The following NBEAL1 variants were observed in gnomAD, a reference collection of about 807,000 sequenced individuals.
NBEAL1 encodes neurobeachin like 1.
In NBEAL1, 273 loss-of-function variants were observed where a neutral mutation model predicts 351.3. The observed-to-expected ratio is 0.78, with a 90% CI of 0.70 to 0.86. The LOEUF (loss-of-function observed/expected upper bound fraction) is 0.86. Among genes scored for constraint, NBEAL1 ranks in the 40% least tolerant of loss-of-function variants. The pLI, the probability that NBEAL1 is intolerant of heterozygous loss-of-function variation, is 0.00. For missense variants in NBEAL1, 2,961 were observed against 3,201.3 expected (o/e 0.92, Z 1.81); for synonymous variants, 1,050 against 1,086.4 (o/e 0.97, Z 0.66).
chr2:203,054,206 A>G (rs1159880500), intron 4 of NBEAL1, among the ~76,000 whole-genome samples: 1 of 152,098 alleles, frequency 6.6e-6, no homozygotes, highest in Non-Finnish European at 1.5e-5. Context: ...CGAGTGGATC[A>G]CTTGAGGTCA....
intron 29 of NBEAL1, among the ~76,000 whole-genome samples, chr2:203,137,487 T>G (rs1362212612): frequency 1.3e-5 from 2 of 152,178 alleles, no homozygotes; most frequent in East Asian, 3.8e-4. Flanking sequence ...AGACTCTCTG[T>G]AAGGCATAAT....
Position 203,099,638 on chromosome 2 carries a change from G to T in NBEAL1, c.1195G>T (p.Gly399Ter). The change falls in exon 12 of 56, where the codon GGA becomes TGA. Residue 399 changes from glycine to a stop codon, truncating the protein, a stop_gained. Coordinates refer to ENST00000683969, the MANE Select transcript of NBEAL1 (RefSeq NM_001378026.1). LOFTEE classifies it high-confidence loss of function. ...TEMNEDQVFQ[G>*]QLDCLAISTI... The stretch of plus-strand genomic sequence containing the variant: ...CCTTCCCCCTCAATAGGTGTTTCAG[G>T]GACAATTGGATTGTTTGGCCATATC... 6.5e-7 allele frequency: 1 copy of T among 1,546,292 alleles called. No individual in the cohort carries two copies. The highest frequency in any genetic ancestry group is 8.7e-7 in the Non-Finnish European group (1 of 1,144,804).
chr2:203,157,629 C>T (rs902339081), intron 35 of NBEAL1, 70 bp from the exon 36 acceptor site: 16 of 1,181,502 alleles, frequency 1.4e-5, no homozygotes, highest in Non-Finnish European at 1.8e-5. Flanking sequence ...AATTAGCAGT[C>T]AGAAATTACA....
Position 203,122,265 on chromosome 2 carries a change from T to A in NBEAL1, c.2604T>A (p.Asn868Lys). Residue 868 changes from asparagine to lysine, a missense_variant, in exon 19 of 56, where the codon AAT (asparagine) becomes AAA (lysine). Asn to Lys is a moderately conservative substitution (Grantham distance 94, BLOSUM62 0). Coordinates refer to ENST00000683969, the MANE Select transcript of NBEAL1 (RefSeq NM_001378026.1). The stretch of plus-strand genomic sequence containing the variant: ...TCTTTTATTCTTAGGCCTGCAAAAA[T>A]TCAATCTGTCTTGATTTATCTACTA... ...LLYYTAKACK[N>K]SICLDLSTNC... is the part of the protein sequence containing the mutation. The A allele has an allele frequency of 6.5e-7, 1 of 1,530,402 alleles. No homozygotes were observed. The highest frequency in any genetic ancestry group is 8.8e-7 in the Non-Finnish European group (1 of 1,140,174). The allele number at this position is 1,530,402 out of a possible 1,614,324, so 94.8% of individuals were successfully genotyped here.
chr2:203,118,926 T>C (rs559774304), intron 18 of NBEAL1, among the ~76,000 whole-genome samples: 2 of 152,068 alleles, frequency 1.3e-5, no homozygotes, highest in African/African-American at 4.8e-5. Context: ...TCGTATTCTT[T>C]TTACAAAGTA....
intron 10 of NBEAL1, among the ~76,000 whole-genome samples, chr2:203,086,797 A>G (rs1364469788): frequency 6.6e-6 from 1 of 152,132 alleles, no homozygotes; most frequent in African/African-American, 2.4e-5. Flanking sequence ...AGCCCCCAGA[A>G]ATGCTGGGAT....
In NBEAL1 at chr2:203,062,196, T is replaced by A. The variant is rs185570987; in HGVS notation, c.515+4743T>A. ...GACTATTTTGTTTACCTTCACACAG[T>A]CTCTCTACCATATGACTTACATTTC... On this transcript the variant is annotated intron_variant, in intron 6 of 55. Transcript: ENST00000683969. The surrounding 1 kb of genome is among the most constrained non-coding windows in gnomAD (Gnocchi z 4.2). 24 of 452,452 alleles carry A rather than the reference T, an allele frequency of 5.3e-5. No homozygotes were observed. 28.0% of individuals were successfully genotyped at this position (452,452 alleles called of 1,614,324 possible). A position where few individuals can be genotyped will look rare whatever the true frequency, so the allele number is the denominator to read the frequency against.
chr2:203,101,341 C>T (rs955793576), intron 12 of NBEAL1, among the ~76,000 whole-genome samples: 1 of 152,024 alleles, frequency 6.6e-6, no homozygotes, highest in Admixed American at 6.6e-5. Flanking sequence ...GCTTTCTTTT[C>T]TGTTCTACTG....
At chr2:203,051,307 G>T (rs964680282) in intron 4 of NBEAL1, among the ~76,000 whole-genome samples, 2 of 152,104 alleles carry the variant, frequency 1.3e-5, no homozygotes, top group African/African-American at 2.4e-5. Context: ...ACTTTGGAAG[G>T]CCGAGGAGGT....
chr2:203,198,269 T>C (rs2065294162), intron 48 of NBEAL1, among the ~76,000 whole-genome samples: 1 of 151,972 alleles, frequency 6.6e-6, no homozygotes, highest in South Asian at 2.1e-4. Flanking sequence ...CACCTGAGCC[T>C]CACAAAGTGC....
chr2:203,193,552 A>G (rs2065154719), intron 46 of NBEAL1, among the ~76,000 whole-genome samples: 1 of 152,086 alleles, frequency 6.6e-6, no homozygotes, highest in Non-Finnish European at 1.5e-5. Flanking sequence ...AGAGAATAAT[A>G]CATTCTGACT....
intron 33 of NBEAL1, among the ~76,000 whole-genome samples, chr2:203,148,512 A>G (rs1432919239): frequency 6.6e-6 from 1 of 152,126 alleles, no homozygotes; most frequent in African/African-American, 2.4e-5. Flanking sequence ...TGTGAGTTAG[A>G]TAAGCCAGTC....
rs2065699291 is a variant in NBEAL1, at chr2:203,209,162, A to G, written c.7625A>G (p.Asp2542Gly). The G allele has an allele frequency of 6.2e-7, 1 of 1,610,820 alleles. No homozygotes were observed. The highest frequency in any genetic ancestry group is 8.5e-7 in the Non-Finnish European group (1 of 1,177,592). ...ELDMAVSGSR[D>G]GTVIIHTIQK... ...TTTTCTGATATATCCTGTGTGTAGG[A>G]TGGAACGGTGATTATACATACCATT... is the stretch of plus-strand genomic sequence containing the variant. The change falls in exon 53 of 56, where the codon GAT becomes GGT. Residue 2542 changes from aspartate to glycine, a missense_variant and splice_region_variant. Asp to Gly is a moderately conservative substitution (Grantham distance 94). Transcript: ENST00000683969.
At chr2:203,078,940 CA>C (rs2061825612) in intron 8 of NBEAL1, among the ~76,000 whole-genome samples, 1 of 152,082 alleles carries the variant, frequency 6.6e-6, no homozygotes, top group Non-Finnish European at 1.5e-5. Flanking sequence ...AAAGCTATAA[CA>C]GCAAGTCTAG....
At position 203,190,289 on chromosome 2, in the gene NBEAL1, T is replaced by C. The variant is rs1373750214; in HGVS notation, c.6824-3T>C. ...ATAGTAAGTTGACTTCTTCTGGTTT[T>C]AGGAGCTGTGGATCTGGATGCCTTA... On this transcript the variant is annotated splice_region_variant and splice_polypyrimidine_tract_variant and intron_variant, in intron 45 of 55. Transcript: ENST00000683969. The C allele has an allele frequency of 1.9e-6, 3 of 1,601,882 alleles. No individual in the cohort carries two copies. The Admixed American group carries it at 5.3e-5, about 28-fold the overall frequency.
rs761968068 is a variant in NBEAL1, at chr2:203,208,674, A to T, written c.7544A>T (p.Gln2515Leu). The change falls in exon 52 of 56, where the codon CAG (glutamine) becomes CTG (leucine). Residue 2515 changes from glutamine (Q) to leucine (L), a missense_variant. Coordinates refer to ENST00000683969, the MANE Select transcript of NBEAL1 (RefSeq NM_001378026.1). ...GTGGGCTTAGCATCTAAACCTTTTC[A>T]GATTCTTTATGGACACACCAACGAG... ...VPVGLASKPF[Q>L]ILYGHTNEVL... 1.2e-6 allele frequency: 2 copies of T among 1,612,456 alleles called. No homozygotes were observed. The highest frequency in any genetic ancestry group is 4.5e-5 in the East Asian group (2 of 44,764).
rs577760493 is a variant in NBEAL1, at chr2:203,026,969, C to A, written c.51+10534C>A. Among the ~76,000 whole-genome samples, 4 of 152,318 alleles carry A rather than the reference C, an allele frequency of 2.6e-5. No individual in the cohort carries two copies. In the South Asian group the frequency reaches 8.3e-4, roughly 32 times the overall value. ...TAATGCCTTGTAGTGTTTTAATATA[C>A]GTTCAGCCTGGCTGTTGACAAAAAC... On this transcript the variant is annotated intron_variant, in intron 2 of 55. Transcript: ENST00000683969.
chr2:203,213,634 G>A lies in NBEAL1; in HGVS notation c.8051G>A (p.Gly2684Asp). 6.2e-7 allele frequency: 1 copy of A among 1,613,950 alleles called. No homozygotes were observed. Among genetic ancestry groups the A allele is most frequent in the Non-Finnish European group, 8.5e-7 (1 of 1,179,954 alleles). Residue 2684 changes from glycine to aspartate, a missense_variant, in exon 55 of 56, where the codon GGT becomes GAT. Gly to Asp is a moderately conservative substitution (Grantham distance 94, BLOSUM62 -1). Coordinates refer to ENST00000683969, the MANE Select transcript of NBEAL1 (RefSeq NM_001378026.1). ...GAAGATGGCAAATTGATTGTAGTGG[G>A]TGTTGGCAAGCCTGCTGAGGTAAAA... is the stretch of plus-strand genomic sequence containing the variant. ...GLEDGKLIVV[G>D]VGKPAEMRSG...
intron 15 of NBEAL1, among the ~76,000 whole-genome samples, chr2:203,110,712 A>AATAAATAAATAT (rs1462399479): frequency 3.4e-5 from 5 of 147,216 alleles, no homozygotes; most frequent in African/African-American, 5.0e-5. Context: ...TAAATAAATA[A>AATAAATAAATAT]ATATATAGAA....
Sources: gnomAD v4.1 joint callset for allele counts (sites outside exome capture counted in the v4.1 genomes callset) on GRCh38, gnomAD v4.1.1 for gene constraint, Gnocchi (gnomAD v3.1) non-coding constraint, MANE v1.5 for transcripts, NCBI Gene and HGNC (gene_info 2026-07-23, HGNC 2026-07-21) for gene names.